Variants in FMN1 observed in about 807,000 individuals in gnomAD.
FMN1 encodes formin-1.
In FMN1, 110 loss-of-function variants were observed where a neutral mutation model predicts 132.4. That is an observed-to-expected ratio of 0.83 (90% CI 0.71 to 0.97). FMN1 has a LOEUF of 0.97. FMN1 is among the 50% of genes least tolerant of loss of function. The pLI, the probability that FMN1 is intolerant of heterozygous loss-of-function variation, is 0.00. For missense variants in FMN1, 1,792 were observed against 1,705.3 expected (o/e 1.05, Z -0.90); for synonymous variants, 722 against 651.7 (o/e 1.11, Z -1.64).
At chr15:32,887,940 A>G (rs139334918) in intron 16 of FMN1, among the ~76,000 whole-genome samples, 4 of 152,298 alleles carry the variant, frequency 2.6e-5, no homozygotes, top group Admixed American at 2.0e-4. Flanking sequence ...ATGTAGATAT[A>G]ACGAGATATG....
At chr15:32,886,446 C>T (rs1055437057) in intron 16 of FMN1, among the ~76,000 whole-genome samples, 2 of 152,134 alleles carry the variant, frequency 1.3e-5, no homozygotes, top group South Asian at 2.1e-4. Context: ...CTGAGAGATC[C>T]GGAACGACAA....
Position 33,057,986 on chromosome 15 carries a change from TGGGGCTGGTGGTGGAAAGGCGTGGC to T in FMN1, c.2161+6946_2161+6970del, listed in dbSNP as rs904290059. 4.0e-5 allele frequency among the ~76,000 whole-genome samples: 6 copies of T among 150,890 alleles called. No individual in the cohort carries two copies. The South Asian group carries it at 8.4e-4, about 21-fold the overall frequency. ...ACTAAACTGCAAGTGAAAAGTATGA[TGGGGCTGGTGGTGGAAAGGCGTGGC>T]GGGGCTGGTAGTGGAAAGGCGTGGC... On this transcript the variant is annotated intron_variant, in intron 6 of 20. Transcript: ENST00000616417.
intron 3 of FMN1, among the ~76,000 whole-genome samples, chr15:33,176,377 G>T (rs1488113718): frequency 6.6e-6 from 1 of 151,952 alleles, no homozygotes; most frequent in South Asian, 2.1e-4. Flanking sequence ...TTGTTGGCAG[G>T]CACCTATAGT....
At chr15:32,874,660 T>C (rs1013405265) in intron 16 of FMN1, among the ~76,000 whole-genome samples, 13 of 152,296 alleles carry the variant, frequency 8.5e-5, no homozygotes, top group African/African-American at 3.1e-4. Context: ...AAATCAGAAG[T>C]AGGAATAAAT....
chr15:32,964,460 G>GT (rs1197867172), intron 8 of FMN1, among the ~76,000 whole-genome samples: 2 of 152,080 alleles, frequency 1.3e-5, no homozygotes, highest in African/African-American at 2.4e-5. Context: ...ACACACAGAC[G>GT]TATTTCCAAA....
chr15:32,922,509 A>G (rs146860931), intron 10 of FMN1, among the ~76,000 whole-genome samples: 73 of 152,318 alleles, frequency 4.8e-4, no homozygotes, highest in African/African-American at 1.8e-3. Context: ...TAGAGAAGCA[A>G]AACTCTTCCT....
intron 5 of FMN1, chr15:33,067,844 G>C: frequency 6.2e-7 from 1 of 1,613,652 alleles, no homozygotes; most frequent in Non-Finnish European, 8.5e-7. Context: ...TGCTGGTTCT[G>C]ACACATCACT....
chr15:33,069,176 T>A (rs1015140126), intron 5 of FMN1, among the ~76,000 whole-genome samples: 4 of 152,172 alleles, frequency 2.6e-5, no homozygotes, highest in African/African-American at 9.7e-5. Context: ...CCTCCAAACA[T>A]CAGCCCAGTG....
intron 4 of FMN1, among the ~76,000 whole-genome samples, chr15:33,103,577 T>A (rs1459566617): frequency 2.0e-5 from 3 of 152,120 alleles, no homozygotes; most frequent in Non-Finnish European, 2.9e-5. Context: ...TCAACAAATG[T>A]GTTCTCTAAT....
intron 17 of FMN1, among the ~76,000 whole-genome samples, chr15:32,813,529 G>C (rs16959063): frequency 6.6e-6 from 1 of 152,136 alleles, no homozygotes; most frequent in Non-Finnish European, 1.5e-5. Flanking sequence ...ACTTTATGAA[G>C]GATTTTGTTC....
intron 4 of FMN1, among the ~76,000 whole-genome samples, chr15:33,101,034 C>T (rs1029881017): frequency 6.6e-6 from 1 of 152,096 alleles, no homozygotes; most frequent in Non-Finnish European, 1.5e-5. Flanking sequence ...TTTTTCTGTA[C>T]TTTCTACCGT....
intron 5 of FMN1, among the ~76,000 whole-genome samples, chr15:33,086,797 C>A (rs1358867044): frequency 1.3e-5 from 2 of 152,246 alleles, no homozygotes; most frequent in Non-Finnish European, 2.9e-5. Flanking sequence ...TGCAGGACTG[C>A]AGCTTTCTCA....
intron 4 of FMN1, among the ~76,000 whole-genome samples, chr15:33,102,298 G>A (rs2039324288): frequency 6.6e-6 from 1 of 152,132 alleles, no homozygotes; most frequent in Non-Finnish European, 1.5e-5. Context: ...AATGAAAGAA[G>A]GAGCTATTGT....
intron 17 of FMN1, among the ~76,000 whole-genome samples, chr15:32,824,808 G>C (rs1433954828): frequency 6.6e-6 from 1 of 152,222 alleles, no homozygotes; most frequent in Non-Finnish European, 1.5e-5. Flanking sequence ...TTCTGCCGAT[G>C]AATCTCAAAT....
chr15:32,945,227 A>C (rs2061483932), intron 9 of FMN1, among the ~76,000 whole-genome samples: 1 of 152,164 alleles, frequency 6.6e-6, no homozygotes, highest in African/African-American at 2.4e-5. Context: ...GCCAATACAT[A>C]GATATATGTA....
intron 9 of FMN1, among the ~76,000 whole-genome samples, chr15:32,932,807 T>C (rs2061153599): frequency 6.6e-6 from 1 of 152,208 alleles, no homozygotes; most frequent in Admixed American, 6.5e-5. Context: ...AGTAGGTTCT[T>C]ATAATCCTTC....
chr15:32,971,045 G>A (rs772459414), intron 7 of FMN1, among the ~76,000 whole-genome samples: 13 of 152,218 alleles, frequency 8.5e-5, no homozygotes, highest in African/African-American at 1.2e-4. Context: ...CCTGGTTCAC[G>A]TCTTGGCTTA....
At chr15:32,862,817 T>A (rs529187147) in intron 16 of FMN1, among the ~76,000 whole-genome samples, 1 of 152,260 alleles carries the variant, frequency 6.6e-6, no homozygotes, top group East Asian at 1.9e-4. Context: ...CAGAATACAG[T>A]TTTAGAGGAA....
chr15:33,185,577 T>C (rs1446016222), intron 2 of FMN1, among the ~76,000 whole-genome samples: 1 of 146,706 alleles, frequency 6.8e-6, no homozygotes, highest in African/African-American at 2.6e-5. Context: ...AATTTTTTTT[T>C]TTTTTTTTTT....
Sources: allele counts gnomAD v4.1 joint callset (sites outside exome capture counted in the v4.1 genomes callset), GRCh38; gene constraint gnomAD v4.1.1; transcripts MANE v1.5; gene names NCBI Gene and HGNC (gene_info 2026-07-23, HGNC 2026-07-21).